SNCAIP: variants seen among roughly 807,000 people sequenced by gnomAD.
SNCAIP encodes synphilin-1.
A neutral mutation model predicts 86.7 loss-of-function variants in SNCAIP; 43 were observed. That is an observed-to-expected ratio of 0.50 (90% CI 0.39 to 0.64). The LOEUF (loss-of-function observed/expected upper bound fraction) is 0.64. Ranked by LOEUF, SNCAIP falls within the 30% of genes least tolerant of loss-of-function variation. The pLI is 0.00. For synonymous variants in SNCAIP, 417 were observed against 427.2 expected (o/e 0.98, Z 0.29); for missense variants, 981 against 1,103.1 (o/e 0.89, Z 1.57).
chr5:122,381,766 G>T (rs1766878658), intron 1 of SNCAIP, among the ~76,000 whole-genome samples: 1 of 152,004 alleles, frequency 6.6e-6, no homozygotes, highest in South Asian at 2.1e-4. Context: ...GCATTTGCTT[G>T]TCTGTAAAGT....
At chr5:122,406,040 T>C (rs925210359) in intron 3 of SNCAIP, among the ~76,000 whole-genome samples, 2 of 152,152 alleles carry the variant, frequency 1.3e-5, no homozygotes, top group African/African-American at 4.8e-5. Context: ...CATTTCCAAT[T>C]TGATGGACCA....
At chr5:122,393,421 C>G (rs1379981932) in intron 2 of SNCAIP, among the ~76,000 whole-genome samples, 1 of 152,078 alleles carries the variant, frequency 6.6e-6, no homozygotes, top group Non-Finnish European at 1.5e-5. Context: ...TGTAATTTGT[C>G]CAGGGTCACC....
chr5:122,443,194 C>T (rs919014128), intron 7 of SNCAIP, among the ~76,000 whole-genome samples: 4 of 152,164 alleles, frequency 2.6e-5, no homozygotes, highest in African/African-American at 9.7e-5. Flanking sequence ...ACTGACCTCT[C>T]AGTCTAAGTA....
At chr5:122,426,358 T>C (rs1777371808) in intron 5 of SNCAIP, among the ~76,000 whole-genome samples, 1 of 152,180 alleles carries the variant, frequency 6.6e-6, no homozygotes, top group Non-Finnish European at 1.5e-5. Context: ...ATAAATTTAA[T>C]TATATTGAAA....
At chr5:122,329,501 A>G (rs970542669) in intron 1 of SNCAIP, among the ~76,000 whole-genome samples, 3 of 152,206 alleles carry the variant, frequency 2.0e-5, no homozygotes, top group African/African-American at 7.2e-5. Context: ...TAGGGGAAAT[A>G]GAAATCAAGT....
intron 8 of SNCAIP, among the ~76,000 whole-genome samples, chr5:122,449,431 G>T (rs981157847): frequency 1.8e-4 from 27 of 152,044 alleles, no homozygotes; most frequent in African/African-American, 6.0e-4. Context: ...TTTATTTAAT[G>T]AAAGTAAAGT....
intron 8 of SNCAIP, chr5:122,444,962 C>A: frequency 1.8e-6 from 1 of 554,614 alleles, no homozygotes; most frequent in Non-Finnish European, 3.3e-6. Flanking sequence ...AGCAAGCTCC[C>A]AAAGCAGGGA....
intron 5 of SNCAIP, among the ~76,000 whole-genome samples, chr5:122,427,602 G>A (rs981993532): frequency 6.6e-6 from 1 of 152,100 alleles, no homozygotes; most frequent in South Asian, 2.1e-4. Context: ...AGTCCATTCA[G>A]TGTATTTTGA....
At chr5:122,392,344 A>G (rs1769565865) in intron 2 of SNCAIP, among the ~76,000 whole-genome samples, 1 of 151,774 alleles carries the variant, frequency 6.6e-6, no homozygotes, top group African/African-American at 2.4e-5. Flanking sequence ...ATGTGGAGTG[A>G]GCTTCTTCCT....
intron 1 of SNCAIP, among the ~76,000 whole-genome samples, chr5:122,357,111 C>G (rs774257277): frequency 6.6e-6 from 1 of 152,156 alleles, no homozygotes; most frequent in Non-Finnish European, 1.5e-5. Context: ...TAAGGTCACT[C>G]CCACCTTAAT....
intron 10 of SNCAIP, among the ~76,000 whole-genome samples, chr5:122,462,153 CAT>C (rs1166675070): frequency 6.6e-6 from 1 of 152,154 alleles, no homozygotes; most frequent in Non-Finnish European, 1.5e-5. Context: ...CATTCTTTAA[CAT>C]AGTTGCTATC....
At chr5:122,453,197 C>T (rs1166369952) in intron 10 of SNCAIP, among the ~76,000 whole-genome samples, 1 of 152,156 alleles carries the variant, frequency 6.6e-6, no homozygotes, top group Non-Finnish European at 1.5e-5. Flanking sequence ...CCTTGGAGGG[C>T]TTTATTCCAG....
chr5:122,423,079 C>A lies in SNCAIP; in HGVS notation c.342C>A (p.Gly114=). ...EYQKGGESDL[G]PQPQELGPGD... ...AGAAAGGGGGTGAGTCTGACCTGGG[C>A]CCCCAGCCTCAGGAGCTTGGCCCTG... is the stretch of plus-strand genomic sequence containing the variant. The change falls in exon 4 of 11, where the codon GGC becomes GGA. Residue 114 remains glycine (G), a synonymous_variant. Coordinates refer to ENST00000261368, the MANE Select transcript of SNCAIP (RefSeq NM_005460.4). 1 of 1,613,966 alleles carries A rather than the reference C, an allele frequency of 6.2e-7. No individual in the cohort carries two copies. Among genetic ancestry groups the A allele is most frequent in the Non-Finnish European group, 8.5e-7 (1 of 1,179,916 alleles).
intron 1 of SNCAIP, among the ~76,000 whole-genome samples, chr5:122,385,332 G>A (rs1007616609): frequency 3.3e-5 from 5 of 152,136 alleles, no homozygotes; most frequent in African/African-American, 1.2e-4. Flanking sequence ...TTGTTCATGT[G>A]TACTTCTTGG....
intron 1 of SNCAIP, among the ~76,000 whole-genome samples, chr5:122,333,102 A>G (rs1281490444): frequency 6.6e-6 from 1 of 152,232 alleles, no homozygotes; most frequent in Non-Finnish European, 1.5e-5. Context: ...GCACAAAGAT[A>G]GAAGCCATAA....
chr5:122,347,043 C>A (rs1758749094), intron 1 of SNCAIP, among the ~76,000 whole-genome samples: 1 of 151,942 alleles, frequency 6.6e-6, no homozygotes, highest in Non-Finnish European at 1.5e-5. Context: ...TTGAGGCAAG[C>A]TTTCTAGGAG....
chr5:122,396,417 G>A (rs1770633995), intron 2 of SNCAIP, among the ~76,000 whole-genome samples: 1 of 152,156 alleles, frequency 6.6e-6, no homozygotes, highest in Admixed American at 6.6e-5. Context: ...TAAGAAGAAT[G>A]AGCAACCGCT....
intron 10 of SNCAIP, among the ~76,000 whole-genome samples, chr5:122,456,212 C>T (rs1232484504): frequency 6.6e-6 from 1 of 152,204 alleles, no homozygotes; most frequent in African/African-American, 2.4e-5. Context: ...AATCATAAAG[C>T]AATAAACACC....
intron 5 of SNCAIP, among the ~76,000 whole-genome samples, chr5:122,429,864 G>A (rs891575765): frequency 6.6e-6 from 1 of 152,092 alleles, no homozygotes; most frequent in Admixed American, 6.6e-5. Flanking sequence ...AGATAGAAAG[G>A]ACTGAGTACA....
Sources: gnomAD v4.1 joint callset for allele counts (sites outside exome capture counted in the v4.1 genomes callset) on GRCh38, gnomAD v4.1.1 for gene constraint, MANE v1.5 for transcripts, NCBI Gene and HGNC (gene_info 2026-07-23, HGNC 2026-07-21) for gene names.